Variants in GPM6B observed in about 807,000 individuals in gnomAD.
GPM6B encodes the protein neuronal membrane glycoprotein M6-b.
GPM6B carries 4 observed loss-of-function variants against 27.2 expected under a neutral mutation model. The observed-to-expected ratio is 0.15, with a 90% CI of 0.07 to 0.34. GPM6B has a LOEUF of 0.34. Among genes scored for constraint, GPM6B ranks in the 10% least tolerant of loss-of-function variants. The probability of loss-of-function intolerance (pLI) is 1.00; values close to 1 mark genes in which losing one functional copy is unlikely to be tolerated. For missense variants in GPM6B, 183 were observed against 261.9 expected (o/e 0.70, Z 2.08); for synonymous variants, 124 against 103.1 (o/e 1.20, Z -1.23).
chrX:13,861,144 C>CACACATACAT (rs75877329), intron 1 of GPM6B, among the ~76,000 whole-genome samples: 36,877 of 107,103 alleles, frequency 0.34, 5,962 homozygotes, highest in African/African-American at 0.6. Flanking sequence ...ATATAATATA[C>CACACATACAT]ATATATACAT....
rs756319332 is a variant in GPM6B, at chrX:13,817,089, G to T, written c.-185C>A. The stretch of plus-strand genomic sequence containing the variant: ...CAAAAGTCTTGTCAGCGTCAATTTC[G>T]CTCTGCCTACTGGTCCATAAAGACA... On this transcript the variant is annotated 5_prime_UTR_variant, in exon 1 of 8. Transcript: ENST00000316715. 786 of 1,012,704 alleles carry T rather than the reference G, an allele frequency of 7.8e-4. 1 individual carries two copies. Among genetic ancestry groups the T allele is most frequent in the Non-Finnish European group, 8.8e-4 (709 of 802,342 alleles). 83.5% of individuals were successfully genotyped at this position (1,012,704 alleles called of 1,213,427 possible). A position where few individuals can be genotyped will look rare whatever the true frequency, so the allele number is the denominator to read the frequency against.
intron 1 of GPM6B, among the ~76,000 whole-genome samples, chrX:13,870,095 G>A (rs921032211): frequency 8.9e-6 from 1 of 111,738 alleles, no homozygotes; most frequent in East Asian, 2.8e-4. Context: ...GATTCAGCTG[G>A]GGTTATGCAT....
intron 1 of GPM6B, among the ~76,000 whole-genome samples, chrX:13,924,920 T>C (rs1170416655): frequency 8.9e-6 from 1 of 112,458 alleles, no homozygotes; most frequent in Non-Finnish European, 1.9e-5. Context: ...GAAGAACTGA[T>C]TTGACTTCTC....
At chrX:13,916,623 TGTTTAA>T (rs935992602) in intron 1 of GPM6B, among the ~76,000 whole-genome samples, 5 of 109,197 alleles carry the variant, frequency 4.6e-5, no homozygotes, top group African/African-American at 1.7e-4. Context: ...ATGTCTGCAC[TGTTTAA>T]GTTTGTTTGA....
chrX:13,861,109 CACATATATAT>C (rs1337959791), intron 1 of GPM6B, among the ~76,000 whole-genome samples: 8 of 104,693 alleles, frequency 7.6e-5, no homozygotes, highest in Non-Finnish European at 1.5e-4. Context: ...TACATATACA[CACATATATAT>C]ACACATACAT....
At chrX:13,808,360 C>T (rs1043568278) in intron 1 of GPM6B, among the ~76,000 whole-genome samples, 18 of 112,262 alleles carry the variant, frequency 1.6e-4, no homozygotes, top group African/African-American at 5.8e-4. Context: ...CTCCCATGTG[C>T]TATACAGAAA....
chrX:13,924,268 T>C (rs1921064963), intron 1 of GPM6B, among the ~76,000 whole-genome samples: 1 of 112,024 alleles, frequency 8.9e-6, no homozygotes, highest in African/African-American at 3.2e-5. Context: ...TAATAAGTAT[T>C]TGGTGAATGG....
In GPM6B at chrX:13,785,415, T is replaced by C. The variant is rs1021403679; in HGVS notation, c.368+207A>G. Among the ~76,000 whole-genome samples, 3 of 111,116 alleles carry C rather than the reference T, an allele frequency of 2.7e-5. No individual in the cohort carries two copies. In the East Asian group the frequency reaches 8.4e-4, roughly 31 times the overall value. ...CTCCTGCCTCAGCCTCCCAAGTAGC[T>C]AGGATTACAGGCACGCACCACCACG... On this transcript the variant is annotated intron_variant, in intron 3 of 7. Coordinates refer to ENST00000316715, the MANE Select transcript of GPM6B (RefSeq NM_001001995.3).
chrX:13,812,067 T>A (rs2049145164), intron 1 of GPM6B, among the ~76,000 whole-genome samples: 1 of 100,007 alleles, frequency 1.0e-5, no homozygotes, highest in African/African-American at 3.7e-5. Context: ...TTTTTTTTTT[T>A]GAGACAGAGT....
At chrX:13,819,457 C>A (rs1176551210), upstream of GPM6B, among the ~76,000 whole-genome samples, 1 of 112,081 alleles carries the variant, frequency 8.9e-6, no homozygotes, top group African/African-American at 3.2e-5. Context: ...CTTTGAGCCC[C>A]ATGCTCTAAG....
intron 1 of GPM6B, among the ~76,000 whole-genome samples, chrX:13,902,509 G>A (rs1234552406): frequency 9.0e-6 from 1 of 110,762 alleles, no homozygotes; most frequent in African/African-American, 3.3e-5. Flanking sequence ...AGTCACTTAA[G>A]CACACAGAGT....
At chrX:13,808,359 G>A (rs1358108448) in intron 1 of GPM6B, among the ~76,000 whole-genome samples, 2 of 112,171 alleles carry the variant, frequency 1.8e-5, no homozygotes, top group Non-Finnish European at 3.8e-5. Flanking sequence ...TCTCCCATGT[G>A]CTATACAGAA....
intron 4 of GPM6B, among the ~76,000 whole-genome samples, chrX:13,782,779 A>G (rs1305121938): frequency 9.2e-6 from 1 of 109,160 alleles, no homozygotes; most frequent in Non-Finnish European, 1.9e-5. Flanking sequence ...AAAAAGAAAA[A>G]AAAAAAAATT....
intron 1 of GPM6B, among the ~76,000 whole-genome samples, chrX:13,822,567 G>A (rs2049323523): frequency 9.3e-6 from 1 of 107,729 alleles, no homozygotes; most frequent in African/African-American, 3.4e-5. Context: ...AGTAGAGGTG[G>A]GGTTTCACCA....
intron 1 of GPM6B, among the ~76,000 whole-genome samples, chrX:13,849,827 AG>A (rs1350107056): frequency 1.8e-5 from 2 of 109,638 alleles, no homozygotes; most frequent in African/African-American, 6.7e-5. Flanking sequence ...TGGGAGGCTG[AG>A]GGGGCGGGTC....
At chrX:13,815,166 C>T (rs1378740866) in intron 1 of GPM6B, among the ~76,000 whole-genome samples, 1 of 111,815 alleles carries the variant, frequency 8.9e-6, no homozygotes, top group Non-Finnish European at 1.9e-5. Flanking sequence ...CCTTTGCTTC[C>T]TTTCAGAGAG....
intron 1 of GPM6B, among the ~76,000 whole-genome samples, chrX:13,837,474 AC>A (rs1477985927): frequency 9.0e-6 from 1 of 110,777 alleles, no homozygotes; most frequent in Non-Finnish European, 1.9e-5. Flanking sequence ...CAGCCCGCAG[AC>A]CCAGGGGGGC....
intron 1 of GPM6B, among the ~76,000 whole-genome samples, chrX:13,812,044 C>CTTT (rs752162419): frequency 0.015 from 1,265 of 82,478 alleles, 105 homozygotes; most frequent in African/African-American, 0.041. Context: ...CTTTTCTTTT[C>CTTT]TTTCTTTTTT....
intron 5 of GPM6B, among the ~76,000 whole-genome samples, chrX:13,778,469 GGCT>G (rs1261443498): frequency 1.8e-5 from 2 of 112,167 alleles, no homozygotes; most frequent in African/African-American, 3.2e-5. Flanking sequence ...TTGTCCAGTG[GGCT>G]GCTGCTTTTT....
Sources: gnomAD v4.1 joint callset for allele counts (sites outside exome capture counted in the v4.1 genomes callset) on GRCh38, gnomAD v4.1.1 for gene constraint, MANE v1.5 for transcripts, NCBI Gene and HGNC (gene_info 2026-07-23, HGNC 2026-07-21) for gene names.